Variants in TAOK3 observed in about 807,000 individuals in gnomAD.
TAOK3 encodes the protein TAO kinase 3.
A neutral mutation model predicts 120.4 loss-of-function variants in TAOK3; 40 were observed. The observed-to-expected ratio is 0.33, with a 90% CI of 0.26 to 0.43. The LOEUF (loss-of-function observed/expected upper bound fraction) is 0.43, where lower values mean the gene tolerates loss of function less well. TAOK3 is among the 20% of genes least tolerant of loss of function. The probability of loss-of-function intolerance (pLI) is 1.00; values close to 1 mark genes in which losing one functional copy is unlikely to be tolerated. For synonymous variants in TAOK3, 355 were observed against 387.5 expected (o/e 0.92, Z 0.99); for missense variants, 821 against 1,112.1 (o/e 0.74, Z 3.72).
chr12:118,212,962 G>T lies in TAOK3; in HGVS notation c.771C>A (p.Cys257Ter). 6.2e-7 allele frequency: 1 copy of T among 1,612,754 alleles called. No homozygotes were observed. The highest frequency in any genetic ancestry group is 8.5e-7 in the Non-Finnish European group (1 of 1,179,582). ...TDSFRRFVDYCLQKIPQERPT... is the reference protein window; with the variant it reads ...TDSFRRFVDY Reference sequence around the variant, plus strand: ...GCCTTTCCTGAGGTATTTTCTGCAAGCAGTAATCAACAAATCTCCTAAAGG... The same window carrying T: ...GCCTTTCCTGAGGTATTTTCTGCAATCAGTAATCAACAAATCTCCTAAAGG... The change falls in exon 11 of 21, where the codon TGC (cysteine) becomes TGA (stop). Residue 257 changes from cysteine (C) to a stop codon, truncating the protein, a stop_gained. Transcript: ENST00000392533. LOFTEE classifies it high-confidence loss of function.
At chr12:118,193,021 G>A (rs534735837) in intron 13 of TAOK3, among the ~76,000 whole-genome samples, 3 of 144,534 alleles carry the variant, frequency 2.1e-5, no homozygotes, top group East Asian at 4.0e-4. Flanking sequence ...GTAAACCTAC[G>A]TTAACCTGGT....
At chr12:118,200,203 C>T (rs940542393) in intron 12 of TAOK3, 3 of 152,058 alleles carry the variant, frequency 2.0e-5, no homozygotes, top group Non-Finnish European at 4.4e-5. Flanking sequence ...TGCAACTTTC[C>T]GAGCTTCATT....
intron 1 of TAOK3, among the ~76,000 whole-genome samples, chr12:118,282,228 A>G (rs1026910365): frequency 6.6e-6 from 1 of 152,264 alleles, no homozygotes; most frequent in African/African-American, 2.4e-5. Flanking sequence ...CTCTTTTGGT[A>G]GAAATGCATA....
chr12:118,156,081 G>GT, intron 19 of TAOK3, among the ~76,000 whole-genome samples: 1 of 152,118 alleles, frequency 6.6e-6, no homozygotes, highest in East Asian at 1.9e-4. Context: ...GCCACACATT[G>GT]TTGCAGAGGC....
chr12:118,305,607 A>G (rs991003099), intron 1 of TAOK3, among the ~76,000 whole-genome samples: 2 of 152,180 alleles, frequency 1.3e-5, no homozygotes, highest in Non-Finnish European at 2.9e-5. Flanking sequence ...TATTTTATGC[A>G]TGTCAAAAAG....
At chr12:118,316,026 T>C (rs544443646) in intron 1 of TAOK3, among the ~76,000 whole-genome samples, 71 of 152,288 alleles carry the variant, frequency 4.7e-4, no homozygotes, top group Non-Finnish European at 8.2e-4. Flanking sequence ...GAGGTACTGA[T>C]GCCAAGATCC....
chr12:118,208,055 G>A (rs1019680174), intron 11 of TAOK3, among the ~76,000 whole-genome samples: 1 of 151,886 alleles, frequency 6.6e-6, no homozygotes, highest in African/African-American at 2.4e-5. Flanking sequence ...TTTAAGAAAT[G>A]TTATTGTCCA....
At chr12:118,361,946 G>T (rs2045612942) in intron 1 of TAOK3, among the ~76,000 whole-genome samples, 1 of 152,054 alleles carries the variant, frequency 6.6e-6, no homozygotes, top group Non-Finnish European at 1.5e-5. Context: ...TGCTGGTGAG[G>T]CTTCAGAGAA....
chr12:118,271,322 C>A (rs923850878), intron 1 of TAOK3, among the ~76,000 whole-genome samples: 1 of 152,114 alleles, frequency 6.6e-6, no homozygotes, highest in African/African-American at 2.4e-5. Flanking sequence ...TACCCTTTAG[C>A]TATTACCCCA....
intron 1 of TAOK3, among the ~76,000 whole-genome samples, chr12:118,354,571 G>A (rs1486298635): frequency 6.6e-6 from 1 of 152,060 alleles, no homozygotes; most frequent in Non-Finnish European, 1.5e-5. Flanking sequence ...ATTTGGCTAT[G>A]TCCCCACCCA....
Position 118,270,473 on chromosome 12 carries a change from C to T in TAOK3, c.-193-3714G>A, listed in dbSNP as rs1434329629. On this transcript the variant is annotated intron_variant, in intron 1 of 20. Transcript: ENST00000392533. ...TAATAATAATAATAACTTTACCTAA[C>T]GAACATTCAAAGCTGGCTTCAAACC... Among the ~76,000 whole-genome samples the T allele has an allele frequency of 2.6e-5, 4 of 152,190 alleles. No homozygotes were observed. The East Asian group carries it at 5.8e-4, about 22-fold the overall frequency.
chr12:118,163,315 G>A (rs1372898643), intron 17 of TAOK3, among the ~76,000 whole-genome samples: 1 of 152,124 alleles, frequency 6.6e-6, no homozygotes, highest in African/African-American at 2.4e-5. Flanking sequence ...CTGTATTACT[G>A]CTATTCGATT....
rs372717549 is a variant in TAOK3 at position 118,198,596 on chromosome 12, A to T, written c.1194+455T>A. 1.6e-4 allele frequency: 28 copies of T among 172,542 alleles called. No individual in the cohort carries two copies. In the East Asian group the frequency reaches 4.1e-3, roughly 25 times the overall value. The allele number at this position is 172,542 out of a possible 1,614,324, so 10.7% of individuals were successfully genotyped here. On this transcript the variant is annotated intron_variant, in intron 13 of 20. Coordinates refer to ENST00000392533, the MANE Select transcript of TAOK3 (RefSeq NM_016281.4). ...AAGACGGGGTTTCGCCATGTTGGCC[A>T]GGCTGGTCTCAAACTCCTGACCTCA... is the stretch of plus-strand genomic sequence containing the variant.
intron 5 of TAOK3, among the ~76,000 whole-genome samples, chr12:118,242,841 C>T (rs770511844): frequency 6.6e-6 from 1 of 151,580 alleles, no homozygotes; most frequent in African/African-American, 2.4e-5. Flanking sequence ...GCCTGGGCAA[C>T]AAGAGTGAAT....
chr12:118,191,582 G>GTAAGTTTTATAAAAACTTA (rs2037432853), intron 13 of TAOK3, among the ~76,000 whole-genome samples: 2 of 152,180 alleles, frequency 1.3e-5, no homozygotes, highest in African/African-American at 4.8e-5. Context: ...TATAAAACTT[G>GTAAGTTTTATAAAAACTTA]TAAGTTTTTA....
intron 14 of TAOK3, among the ~76,000 whole-genome samples, chr12:118,182,648 GTC>G (rs1297409934): frequency 8.9e-6 from 1 of 112,014 alleles, no homozygotes; most frequent in Non-Finnish European, 1.7e-5. Context: ...TAAGGATCAT[GTC>G]TCTAACAGTC....
chr12:118,368,243 CTGGAGTGCGAGGGCGCTATTT>C (rs1403187500), intron 1 of TAOK3, among the ~76,000 whole-genome samples: 1 of 152,106 alleles, frequency 6.6e-6, no homozygotes, highest in East Asian at 2.0e-4. Context: ...GTCGCCCAGG[CTGGAGTGCGAGGGCGCTATTT>C]TGGATCACTG....
At chr12:118,199,485 G>C in intron 12 of TAOK3, 1 of 559,858 alleles carries the variant, frequency 1.8e-6, no homozygotes, top group Non-Finnish European at 3.2e-6. Context: ...GGGTCATAAG[G>C]CTCCAAATGC....
intron 15 of TAOK3, among the ~76,000 whole-genome samples, chr12:118,177,773 A>T (rs533088125): frequency 1.2e-4 from 18 of 152,204 alleles, no homozygotes; most frequent in Admixed American, 3.3e-4. Context: ...CAGTGAGCTG[A>T]GATCACACCA....
Sources: allele counts gnomAD v4.1 joint callset (sites outside exome capture counted in the v4.1 genomes callset), GRCh38; gene constraint gnomAD v4.1.1; transcripts MANE v1.5; gene names NCBI Gene and HGNC (gene_info 2026-07-23, HGNC 2026-07-21).